The following XRCC4 variants were observed in gnomAD, a reference collection of about 807,000 sequenced individuals.
XRCC4 encodes the protein X-ray repair cross complementing 4.
A neutral mutation model predicts 39.1 loss-of-function variants in XRCC4; 28 were observed. The ratio of observed to expected loss-of-function variants is 0.72; its 90% CI spans 0.53 to 0.98. XRCC4 has a LOEUF of 0.98. Ranked by LOEUF, XRCC4 falls within the 50% of genes least tolerant of loss-of-function variation. XRCC4 has a pLI of 0.00. For missense variants in XRCC4, 350 were observed against 376.4 expected (o/e 0.93, Z 0.58); for synonymous variants, 123 against 126.4 (o/e 0.97, Z 0.18).
At position 83,242,162 on chromosome 5, in the gene XRCC4, T is replaced by TTGTGTGTG. The variant is rs60919474; in HGVS notation, c.746-16338_746-16331dup. On this transcript the variant is annotated intron_variant, in intron 6 of 7. Coordinates refer to ENST00000396027, the MANE Select transcript of XRCC4 (RefSeq NM_003401.5). ...TGCCCAAGGGTCACTCGTATACACATTGTGTGTGTGTGTGTGTGTGTGTGT... is the reference window on the plus strand; with the variant it reads ...TGCCCAAGGGTCACTCGTATACACATTGTGTGTGTGTGTGTGTGTGTGTGTGTGTGTGT... Among the ~76,000 whole-genome samples the TTGTGTGTG allele has an allele frequency of 6.7e-3, 976 of 145,356 alleles. 6 individuals carry two copies. The highest frequency in any genetic ancestry group is 0.012 in the East Asian group (58 of 4,826).
chr5:83,227,274 TG>T (rs1044109767), intron 6 of XRCC4, among the ~76,000 whole-genome samples: 1 of 152,106 alleles, frequency 6.6e-6, no homozygotes, highest in Non-Finnish European at 1.5e-5. Context: ...TTCAGTGTCT[TG>T]AAAGTAACAG....
intron 7 of XRCC4, among the ~76,000 whole-genome samples, chr5:83,266,767 CT>C (rs1753969188): frequency 6.6e-6 from 1 of 151,962 alleles, no homozygotes; most frequent in African/African-American, 2.4e-5. Flanking sequence ...GTATATGTTA[CT>C]TTGTAAAATG....
the XRCC4 span, among the ~76,000 whole-genome samples, chr5:83,365,946 C>T: frequency 7.9e-3 from 1,201 of 152,270 alleles, 21 homozygotes; most frequent in African/African-American, 0.028. Flanking sequence ...CAAATAGTGA[C>T]GGACTGAAAC....
At chr5:83,150,709 G>C (rs957651855) in intron 3 of XRCC4, among the ~76,000 whole-genome samples, 5 of 152,066 alleles carry the variant, frequency 3.3e-5, no homozygotes, top group African/African-American at 1.2e-4. Context: ...ATGTATCCTA[G>C]CCTTTTTGAA....
chr5:83,130,547 C>A (rs529597201), intron 3 of XRCC4, among the ~76,000 whole-genome samples: 3 of 152,230 alleles, frequency 2.0e-5, no homozygotes, highest in Admixed American at 6.5e-5. Context: ...AGGAATGGTA[C>A]CAGCTCCTCT....
At chr5:83,152,928 G>A (rs1430861439) in intron 3 of XRCC4, among the ~76,000 whole-genome samples, 1 of 152,054 alleles carries the variant, frequency 6.6e-6, no homozygotes, top group African/African-American at 2.4e-5. Flanking sequence ...ATTTTTGTTT[G>A]TGTATGTATT....
intron 3 of XRCC4, among the ~76,000 whole-genome samples, chr5:83,152,932 A>G (rs1227230877): frequency 3.3e-5 from 5 of 152,262 alleles, no homozygotes; most frequent in Non-Finnish European, 1.5e-5. Flanking sequence ...TTGTTTGTGT[A>G]TGTATTAAAT....
intron 1 of XRCC4, among the ~76,000 whole-genome samples, chr5:83,082,879 A>G (rs1021870117): frequency 2.0e-5 from 3 of 152,128 alleles, no homozygotes; most frequent in Non-Finnish European, 4.4e-5. Flanking sequence ...CTCTCTGACT[A>G]CATGTCTTTG....
At chr5:83,232,549 A>G (rs1019711922) in intron 6 of XRCC4, among the ~76,000 whole-genome samples, 1 of 152,054 alleles carries the variant, frequency 6.6e-6, no homozygotes, top group African/African-American at 2.4e-5. Context: ...CAAGTAAAAG[A>G]GTAGGCATTA....
chr5:83,125,580 C>T (rs1747219057), intron 3 of XRCC4, among the ~76,000 whole-genome samples: 1 of 152,184 alleles, frequency 6.6e-6, no homozygotes, highest in Admixed American at 6.5e-5. Flanking sequence ...AAATCATTGA[C>T]TGGACTTGAG....
intron 7 of XRCC4, among the ~76,000 whole-genome samples, chr5:83,298,347 G>A (rs1755164771): frequency 6.6e-6 from 1 of 151,500 alleles, no homozygotes; most frequent in African/African-American, 2.4e-5. Context: ...ATTTCCCTCT[G>A]TTTATCCTAT....
intron 7 of XRCC4, among the ~76,000 whole-genome samples, chr5:83,290,125 T>C (rs375735156): frequency 1.3e-5 from 2 of 152,000 alleles, no homozygotes; most frequent in African/African-American, 4.8e-5. Context: ...GATTTGTCTT[T>C]CTCCAGATTT....
chr5:83,277,545 C>G (rs1229414030), intron 7 of XRCC4, among the ~76,000 whole-genome samples: 1 of 152,126 alleles, frequency 6.6e-6, no homozygotes, highest in Middle Eastern at 3.2e-3. Context: ...ATAACCCGAC[C>G]TATTCCAACT....
At chr5:83,248,536 C>T (rs1284507907) in intron 6 of XRCC4, among the ~76,000 whole-genome samples, 1 of 152,114 alleles carries the variant, frequency 6.6e-6, no homozygotes, top group Non-Finnish European at 1.5e-5. Flanking sequence ...TGGGGCGTGA[C>T]AAGTTTTGTG....
At chr5:83,081,323 TC>T (rs1417424956) in intron 1 of XRCC4, among the ~76,000 whole-genome samples, 1 of 152,214 alleles carries the variant, frequency 6.6e-6, no homozygotes, top group African/African-American at 2.4e-5. Context: ...AGACAATTGT[TC>T]TGCTTTTTTC....
chr5:83,103,148 A>T (rs918587116), intron 1 of XRCC4, among the ~76,000 whole-genome samples: 1 of 151,746 alleles, frequency 6.6e-6, no homozygotes, highest in Non-Finnish European at 1.5e-5. Flanking sequence ...TTATTTAAAC[A>T]TGCGTGTCTG....
chr5:83,124,077 A>G (rs541318363), intron 3 of XRCC4, among the ~76,000 whole-genome samples: 1 of 152,240 alleles, frequency 6.6e-6, no homozygotes, highest in South Asian at 2.1e-4. Flanking sequence ...AATATTATTA[A>G]CTAAACTACA....
intron 7 of XRCC4, among the ~76,000 whole-genome samples, chr5:83,309,695 CG>C (rs1561468029): frequency 8.2e-6 from 1 of 122,690 alleles, no homozygotes; most frequent in Non-Finnish European, 1.6e-5. Flanking sequence ...ACCCGGGAGG[CG>C]GAGGTTGCAG....
intron 6 of XRCC4, among the ~76,000 whole-genome samples, chr5:83,254,771 A>C (rs150185029): frequency 1.3e-3 from 195 of 152,246 alleles, no homozygotes; most frequent in Non-Finnish European, 2.2e-4. Flanking sequence ...AATTGGAGGA[A>C]AGAGGCAGGA....
Sources: gnomAD v4.1 joint callset for allele counts (sites outside exome capture counted in the v4.1 genomes callset) on GRCh38, gnomAD v4.1.1 for gene constraint, MANE v1.5 for transcripts, NCBI Gene and HGNC (gene_info 2026-07-23, HGNC 2026-07-21) for gene names.